USP33: variants seen among roughly 807,000 people sequenced by gnomAD.
USP33 encodes ubiquitin carboxyl-terminal hydrolase 33.
USP33 carries 46 observed loss-of-function variants against 124.2 expected under a neutral mutation model. That is an observed-to-expected ratio of 0.37 (90% CI 0.29 to 0.47). The LOEUF is 0.47. Ranked by LOEUF, USP33 falls within the 20% of genes least tolerant of loss-of-function variation. The pLI, the probability that USP33 is intolerant of heterozygous loss-of-function variation, is 0.99. For synonymous variants in USP33, 350 were observed against 352.3 expected (o/e 0.99, Z 0.07); for missense variants, 851 against 1,070.6 (o/e 0.79, Z 2.86).
At chr1:77,702,641 A>C (rs933727702) in intron 21 of USP33, among the ~76,000 whole-genome samples, 1 of 152,182 alleles carries the variant, frequency 6.6e-6, no homozygotes. Flanking sequence ...TCTTCAGAGA[A>C]GTGACCTAAT....
intron 21 of USP33, among the ~76,000 whole-genome samples, chr1:77,708,537 C>T (rs1674887789): frequency 6.6e-6 from 1 of 152,160 alleles, no homozygotes; most frequent in Non-Finnish European, 1.5e-5. Flanking sequence ...CTGAGCACTG[C>T]CATAGGCAGA....
chr1:77,698,784 G>C (rs1431411594), intron 22 of USP33, among the ~76,000 whole-genome samples: 1 of 151,808 alleles, frequency 6.6e-6, no homozygotes, highest in African/African-American at 2.4e-5. Flanking sequence ...ACAGGCATGA[G>C]CCACCACGCC....
chr1:77,714,300 T>G (rs1675623621), intron 19 of USP33, among the ~76,000 whole-genome samples: 1 of 152,212 alleles, frequency 6.6e-6, no homozygotes, highest in South Asian at 2.1e-4. Context: ...TGTAAACAGC[T>G]GTTTATGTAT....
At position 77,752,198 on chromosome 1, in the gene USP33, G is replaced by A. The variant is rs575034028; in HGVS notation, c.-52+7445C>T. Among the ~76,000 whole-genome samples the A allele has an allele frequency of 7.3e-5, 11 of 151,608 alleles. No homozygotes were observed. In the East Asian group the frequency reaches 1.8e-3, roughly 24 times the overall value. On this transcript the variant is annotated intron_variant, in intron 1 of 23. Coordinates refer to ENST00000370794, the MANE Select transcript of USP33 (RefSeq NM_201624.3). ...GTCGCCCAGGCTGGAGTGCAGTGGC[G>A]CAATCTCGGCTCACTTGCAACTTCT...
intron 22 of USP33, among the ~76,000 whole-genome samples, 195 bp from the exon 23 acceptor site, chr1:77,698,126 C>T (rs766677440): frequency 3.2e-4 from 48 of 149,526 alleles, no homozygotes; most frequent in Non-Finnish European, 6.2e-4. Flanking sequence ...AGTGCAGTGG[C>T]ACCATCACAG....
chr1:77,758,175 C>CA (rs1491336097), intron 1 of USP33, among the ~76,000 whole-genome samples: 1 of 94,284 alleles, frequency 1.1e-5, no homozygotes, highest in Non-Finnish European at 2.0e-5. Context: ...TTGTACTGTC[C>CA]TTTTTTTTTT....
At chr1:77,752,207 G>T (rs1315902959) in intron 1 of USP33, among the ~76,000 whole-genome samples, 1 of 151,790 alleles carries the variant, frequency 6.6e-6, no homozygotes, top group Non-Finnish European at 1.5e-5. Flanking sequence ...CGCAATCTCG[G>T]CTCACTTGCA....
intron 1 of USP33, chr1:77,746,610 C>T (rs1415580389): frequency 6.6e-6 from 1 of 152,148 alleles, no homozygotes; most frequent in Non-Finnish European, 1.5e-5. Context: ...CCCTGATGAA[C>T]ATCGATGCAA....
At chr1:77,720,692 T>A in intron 15 of USP33, 1 of 826,820 alleles carries the variant, frequency 1.2e-6, no homozygotes, top group Non-Finnish European at 1.5e-6. Context: ...TAAGAAGCAT[T>A]AAAAGTCTAA....
chr1:77,730,162 T>C (rs1014132272), intron 8 of USP33, among the ~76,000 whole-genome samples: 2 of 152,178 alleles, frequency 1.3e-5, no homozygotes, highest in Non-Finnish European at 2.9e-5. Flanking sequence ...ATGATTATGC[T>C]TCACCCCATG....
chr1:77,736,624 T>C (rs970898148), intron 5 of USP33, among the ~76,000 whole-genome samples: 2 of 152,178 alleles, frequency 1.3e-5, no homozygotes, highest in Non-Finnish European at 2.9e-5. Flanking sequence ...CACTTTTTTT[T>C]TTCCGAAACA....
At chr1:77,727,886 A>G (rs943187007) in intron 10 of USP33, among the ~76,000 whole-genome samples, 6 of 152,246 alleles carry the variant, frequency 3.9e-5, no homozygotes, top group Non-Finnish European at 8.8e-5. Context: ...TTCAACTTCT[A>G]CACTAAAACA....
intron 1 of USP33, among the ~76,000 whole-genome samples, chr1:77,750,570 C>T (rs1427014945): frequency 1.3e-5 from 2 of 149,772 alleles, no homozygotes; most frequent in Non-Finnish European, 3.0e-5. Context: ...TGCAGTGAGC[C>T]AAGATTGCAC....
intron 10 of USP33, among the ~76,000 whole-genome samples, chr1:77,727,709 T>C (rs1316356379): frequency 1.3e-5 from 2 of 152,260 alleles, no homozygotes; most frequent in Non-Finnish European, 2.9e-5. Context: ...GGCCCAATTT[T>C]GTGTGCTTTG....
At chr1:77,736,220 TG>T in intron 5 of USP33, 62 bp from the exon 6 acceptor site, 1 of 1,132,852 alleles carries the variant, frequency 8.8e-7, no homozygotes, top group Non-Finnish European at 1.3e-6. Flanking sequence ...AAGTTTTAAT[TG>T]TAACTTATAT....
rs572364736 is a variant in USP33, at chr1:77,718,759, G to A, written c.1692-118C>T. On this transcript the variant is annotated intron_variant, in intron 15 of 23. Coordinates refer to ENST00000370794, the MANE Select transcript of USP33 (RefSeq NM_201624.3). ...AGCCTGGCAAACATGGTGAAATCCCGTCTCTACTAAAAATACAAAATTAGC... is the reference window on the plus strand; with the variant it reads ...AGCCTGGCAAACATGGTGAAATCCCATCTCTACTAAAAATACAAAATTAGC... 1.1e-3 allele frequency: 831 copies of A among 745,494 alleles called. 1 individual carries two copies. Among genetic ancestry groups the A allele is most frequent in the Non-Finnish European group, 1.5e-3 (690 of 450,438 alleles). 46.2% of individuals were successfully genotyped at this position (745,494 alleles called of 1,614,324 possible).
chr1:77,703,863 A>G (rs1674316428), intron 21 of USP33, among the ~76,000 whole-genome samples: 1 of 152,184 alleles, frequency 6.6e-6, no homozygotes, highest in South Asian at 2.1e-4. Context: ...AAAATACACA[A>G]AAAATTAGCT....
At chr1:77,732,165 C>T (rs924688237) in intron 7 of USP33, among the ~76,000 whole-genome samples, 7 of 150,866 alleles carry the variant, frequency 4.6e-5, no homozygotes, top group Non-Finnish European at 4.4e-5. Flanking sequence ...GTTATATCGG[C>T]AAAGTTATTT....
At chr1:77,718,294 A>G (rs1277090158) in intron 16 of USP33, among the ~76,000 whole-genome samples, 1 of 152,212 alleles carries the variant, frequency 6.6e-6, no homozygotes, top group Non-Finnish European at 1.5e-5. Context: ...AGAGATGTTA[A>G]AAATATGGAA....
Sources: gnomAD v4.1 joint callset for allele counts (sites outside exome capture counted in the v4.1 genomes callset) on GRCh38, gnomAD v4.1.1 for gene constraint, MANE v1.5 for transcripts, NCBI Gene and HGNC (gene_info 2026-07-23, HGNC 2026-07-21) for gene names.